Variants in TFB1M observed in about 807,000 individuals in gnomAD.
TFB1M encodes dimethyladenosine transferase 1, mitochondrial.
Under a neutral mutation model 31.1 loss-of-function variants are expected in TFB1M, and 27 were observed. The observed-to-expected ratio is 0.87, with a 90% CI of 0.64 to 1.20. The LOEUF is 1.20. Ranked by LOEUF, TFB1M falls within the 50% of genes most tolerant of loss-of-function variation. TFB1M has a pLI of 0.00. For missense variants in TFB1M, 394 were observed against 418.7 expected, an observed-to-expected ratio of 0.94 and a Z score of 0.51; for synonymous variants, 166 against 151.8, an observed-to-expected ratio of 1.09 and a Z score of -0.69.
At position 155,256,921 on chromosome 6, in the gene TFB1M, A is replaced by G; in HGVS notation, c.*915T>C. ...GGTCCGGGGGCACTTCTGCCCCATT[A>G]AACGAAAAGCCAACAGCACCAAGAG... On this transcript the variant is annotated 3_prime_UTR_variant, in exon 7 of 7. Transcript: ENST00000367166. 2 of 1,614,180 alleles carry G rather than the reference A, an allele frequency of 1.2e-6. No homozygotes were observed. Among genetic ancestry groups the G allele is most frequent in the Non-Finnish European group, 1.7e-6 (2 of 1,180,042 alleles).
rs776290303 is a variant in TFB1M at position 155,297,068 on chromosome 6, A to G, written c.431T>C (p.Phe144Ser). The G allele has an allele frequency of 6.2e-7, 1 of 1,613,934 alleles. No homozygotes were observed. The highest frequency in any genetic ancestry group is 8.5e-7 in the Non-Finnish European group (1 of 1,179,996). Residue 144 changes from phenylalanine (F) to serine (S), a missense_variant, in exon 4 of 7, where the codon TTT (phenylalanine) becomes TCT (serine). Phe to Ser is a radical substitution (Grantham distance 155). Coordinates refer to ENST00000367166, the MANE Select transcript of TFB1M (RefSeq NM_016020.4). ...GATAATCAGTGGAGTTGAAACACTA[A>G]AAGGCAGATTTCCAATAATATGTAC... ...PNVHIIGNLP[F>S]SVSTPLIIKW...
At chr6:155,233,416 A>G in the TFB1M span, among the ~76,000 whole-genome samples, 5 of 152,182 alleles carry the variant, frequency 3.3e-5, no homozygotes, top group Non-Finnish European at 7.3e-5. Context: ...GGTTTGACAA[A>G]GACTCTGTCC....
At chr6:155,240,599 C>A in the TFB1M span, 2 of 1,614,004 alleles carry the variant, frequency 1.2e-6, no homozygotes, top group African/African-American at 1.3e-5. Context: ...GGAAGGACCG[C>A]GGGAGAATCA....
chr6:155,285,300 T>G, intron 4 of TFB1M, 23 bp from the exon 5 acceptor site: 1 of 1,613,256 alleles, frequency 6.2e-7, no homozygotes, highest in South Asian at 1.1e-5. Context: ...AAAAATGAAT[T>G]TTAGCAAATA....
At chr6:155,313,331 A>G (rs1263449713) in intron 1 of TFB1M, 1 of 152,178 alleles carries the variant, frequency 6.6e-6, no homozygotes, top group Admixed American at 6.5e-5. Context: ...AATAAAGACT[A>G]CATGTCCAAG....
downstream of TFB1M, chr6:155,251,930 T>C (rs781150338): frequency 1.1e-5 from 18 of 1,590,786 alleles, no homozygotes; most frequent in Middle Eastern, 5.2e-4. Context: ...TTTCTTTCTC[T>C]TTTCCTTTCT....
At chr6:155,263,063 G>A (rs1407662247) in intron 5 of TFB1M, among the ~76,000 whole-genome samples, 1 of 152,132 alleles carries the variant, frequency 6.6e-6, no homozygotes, top group East Asian at 1.9e-4. Context: ...TTCCAGTTAT[G>A]TCTCCTGCTT....
At chr6:155,247,333 ATGT>A in the TFB1M span, among the ~76,000 whole-genome samples, 1,846 of 151,506 alleles carry the variant, frequency 0.012, 33 homozygotes, top group Non-Finnish European at 0.015. Flanking sequence ...GGCTTTTTTG[ATGT>A]TGTTTTTTTT....
rs1363465826 is a variant in TFB1M at position 155,295,556 on chromosome 6, T to TG, written c.546+1396dup. Among the ~76,000 whole-genome samples the TG allele has an allele frequency of 3.3e-5, 5 of 152,164 alleles. 1 individual carries two copies. The East Asian group carries it at 9.7e-4, about 29-fold the overall frequency. On this transcript the variant is annotated intron_variant, in intron 4 of 6. Coordinates refer to ENST00000367166, the MANE Select transcript of TFB1M (RefSeq NM_016020.4). ...GTACTAGTGATTTAATTACCCATGT[T>TG]GGGGGTGGGGATTCAGGAGTTCCCT...
At chr6:155,231,721 G>A in the TFB1M span, among the ~76,000 whole-genome samples, 2 of 152,230 alleles carry the variant, frequency 1.3e-5, no homozygotes. Context: ...TGGATGTGCA[G>A]ACCAGGAGCC....
chr6:155,234,969 G>C, the TFB1M span, among the ~76,000 whole-genome samples: 9 of 152,072 alleles, frequency 5.9e-5, no homozygotes, highest in African/African-American at 1.7e-4. Context: ...GACAGCTAGA[G>C]AGGGGAACAG....
chr6:155,283,016 T>C (rs1264972588), intron 5 of TFB1M, among the ~76,000 whole-genome samples: 1 of 151,888 alleles, frequency 6.6e-6, no homozygotes, highest in Non-Finnish European at 1.5e-5. Flanking sequence ...CATGAGTCAC[T>C]GTGCCCGGCC....
the TFB1M span, among the ~76,000 whole-genome samples, chr6:155,231,439 G>A: frequency 8.7e-4 from 133 of 152,206 alleles, 1 homozygote; most frequent in Non-Finnish European, 1.3e-3. Context: ...AGTATTTAGT[G>A]TATCACTATA....
downstream of TFB1M, among the ~76,000 whole-genome samples, chr6:155,251,788 G>T (rs571113745): frequency 1.3e-5 from 2 of 152,176 alleles, no homozygotes; most frequent in Non-Finnish European, 2.9e-5. Context: ...AAATATGAGC[G>T]AAAGGGAAGT....
intron 4 of TFB1M, among the ~76,000 whole-genome samples, chr6:155,291,649 G>C (rs756351513): frequency 2.0e-5 from 3 of 152,172 alleles, no homozygotes; most frequent in Admixed American, 2.0e-4. Context: ...GTTCTTCGCT[G>C]TGGGAGGCTC....
the TFB1M span, chr6:155,247,962 C>A: frequency 6.3e-7 from 1 of 1,594,140 alleles, no homozygotes; most frequent in Non-Finnish European, 8.6e-7. Flanking sequence ...ATTCACCCCA[C>A]TGTGCTCTTC....
downstream of TFB1M, chr6:155,253,948 C>G: frequency 6.3e-7 from 1 of 1,597,874 alleles, no homozygotes; most frequent in African/African-American, 1.3e-5. Context: ...GTTGTAGACT[C>G]TTGTTTCCAT....
chr6:155,256,614 C>G lies in TFB1M; in HGVS notation c.*1222G>C, dbSNP rs372668542. The G allele has an allele frequency of 6.2e-7, 1 of 1,613,994 alleles. No individual in the cohort carries two copies. Among genetic ancestry groups the G allele is most frequent in the Non-Finnish European group, 8.5e-7 (1 of 1,180,016 alleles). On this transcript the variant is annotated 3_prime_UTR_variant, in exon 7 of 7. Transcript: ENST00000367166. ...GCGGCACCCAGAGCAGCGGCTGCCC[C>G]ACGGCTGAGGGCAGGCAGGACTCCA... is the stretch of plus-strand genomic sequence containing the variant.
chr6:155,270,761 G>A (rs1784880892), intron 5 of TFB1M, among the ~76,000 whole-genome samples: 2 of 152,242 alleles, frequency 1.3e-5, no homozygotes, highest in East Asian at 1.9e-4. Flanking sequence ...AACAACCATG[G>A]CGACCAGCGA....
Sources: gnomAD v4.1 joint callset for allele counts (sites outside exome capture counted in the v4.1 genomes callset) on GRCh38, gnomAD v4.1.1 for gene constraint, MANE v1.5 for transcripts, NCBI Gene and HGNC (gene_info 2026-07-23, HGNC 2026-07-21) for gene names.